Variants in ZFHX3 observed in about 807,000 individuals in gnomAD.
ZFHX3 encodes zinc finger homeobox protein 3.
In ZFHX3, 42 loss-of-function variants were observed where a neutral mutation model predicts 279.1. The ratio of observed to expected loss-of-function variants is 0.15; its 90% CI spans 0.12 to 0.19. ZFHX3 has a LOEUF of 0.19. Among genes scored for constraint, ZFHX3 ranks in the 10% least tolerant of loss-of-function variants. The pLI, the probability that ZFHX3 is intolerant of heterozygous loss-of-function variation, is 1.00. For missense variants in ZFHX3, 4,981 were observed against 4,754.0 expected, an observed-to-expected ratio of 1.05 and a Z score of -1.40; for synonymous variants, 2,293 against 1,957.8, an observed-to-expected ratio of 1.17 and a Z score of -4.52.
intron 5 of ZFHX3, among the ~76,000 whole-genome samples, chr16:72,817,457 A>C (rs2036644147): frequency 6.6e-6 from 1 of 152,228 alleles, no homozygotes; most frequent in South Asian, 2.1e-4. Flanking sequence ...GAAGTAAAAC[A>C]TGGAACCTTA....
intron 3 of ZFHX3, among the ~76,000 whole-genome samples, chr16:72,938,150 GGGTACAGCA>G (rs1177926437): frequency 2.9e-4 from 44 of 152,376 alleles, no homozygotes; most frequent in African/African-American, 1.0e-3. Flanking sequence ...TGCCGTGTGT[GGGTACAGCA>G]GCTGGAGAGA....
At chr16:73,058,000 G>A (rs1193467658) in intron 1 of ZFHX3, among the ~76,000 whole-genome samples, 1 of 147,224 alleles carries the variant, frequency 6.8e-6, no homozygotes, top group African/African-American at 2.4e-5. Flanking sequence ...GAGCGGCGGG[G>A]GCGGGGGCAC....
At chr16:72,882,983 T>G (rs1412062574) in intron 4 of ZFHX3, among the ~76,000 whole-genome samples, 13 of 24,194 alleles carry the variant, frequency 5.4e-4, no homozygotes, top group South Asian at 3.7e-3. Flanking sequence ...CTGGGGTGTG[T>G]GTGTGTGTGT....
chr16:72,876,939 G>T (rs1438901247), intron 4 of ZFHX3, among the ~76,000 whole-genome samples: 1 of 152,164 alleles, frequency 6.6e-6, no homozygotes, highest in Non-Finnish European at 1.5e-5. Context: ...AGACTTGGCG[G>T]GGGAGAAAGG....
At chr16:73,677,778 C>T (rs957735204) in intron 2 of ZFHX3, among the ~76,000 whole-genome samples, 1 of 151,934 alleles carries the variant, frequency 6.6e-6, no homozygotes, top group Non-Finnish European at 1.5e-5. Flanking sequence ...CAAACAACTT[C>T]TCCTCCTAAA....
At chr16:73,559,545 G>A (rs189255718) in intron 2 of ZFHX3, among the ~76,000 whole-genome samples, 1 of 152,138 alleles carries the variant, frequency 6.6e-6, no homozygotes, top group Non-Finnish European at 1.5e-5. Flanking sequence ...TCAGAAGAGC[G>A]AACAATGGAA....
At chr16:73,651,345 AG>A (rs2052668649) in intron 2 of ZFHX3, among the ~76,000 whole-genome samples, 1 of 152,152 alleles carries the variant, frequency 6.6e-6, no homozygotes, top group East Asian at 1.9e-4. Context: ...AGAATTGGCA[AG>A]AATTATTTAA....
intron 2 of ZFHX3, among the ~76,000 whole-genome samples, chr16:73,460,906 A>T (rs115108543): frequency 0.013 from 2,007 of 152,268 alleles, 38 homozygotes; most frequent in African/African-American, 0.046. Context: ...AAGTTTCCTG[A>T]GGCCTCTCCA....
At chr16:73,005,921 T>C (rs1385806558) in intron 1 of ZFHX3, 1 of 152,232 alleles carries the variant, frequency 6.6e-6, no homozygotes, top group Non-Finnish European at 1.5e-5. Context: ...TTTGATTCCA[T>C]CCCACTGAGT....
chr16:73,472,083 T>C (rs1213434502), intron 2 of ZFHX3, among the ~76,000 whole-genome samples: 2 of 151,996 alleles, frequency 1.3e-5, no homozygotes, highest in Non-Finnish European at 2.9e-5. Context: ...TAATAGTCTT[T>C]TGGTTTTGAT....
At chr16:73,187,965 TCTC>T (rs1207545984) in intron 5 of ZFHX3, among the ~76,000 whole-genome samples, 2 of 151,754 alleles carry the variant, frequency 1.3e-5, no homozygotes, top group African/African-American at 4.8e-5. Flanking sequence ...TTCATGCCAT[TCTC>T]CTGCCTTAGT....
At chr16:72,872,204 T>C (rs764616378) in intron 4 of ZFHX3, among the ~76,000 whole-genome samples, 56 of 152,206 alleles carry the variant, frequency 3.7e-4, no homozygotes, top group Non-Finnish European at 7.5e-4. Context: ...ATTGCAATTA[T>C]ATATATTATG....
chr16:73,249,618 G>A (rs531940491), intron 5 of ZFHX3, among the ~76,000 whole-genome samples: 45 of 152,304 alleles, frequency 3.0e-4, no homozygotes, highest in African/African-American at 1.0e-3. Context: ...AATTACGGGA[G>A]CTACAATTCA....
intron 3 of ZFHX3, among the ~76,000 whole-genome samples, chr16:72,933,560 T>A (rs78937262): frequency 0.041 from 6,199 of 152,230 alleles, 302 homozygotes; most frequent in African/African-American, 0.1. Context: ...TTTTACAGCC[T>A]TCTCTTTATC....
intron 1 of ZFHX3, among the ~76,000 whole-genome samples, chr16:73,810,237 T>C (rs1438185077): frequency 6.6e-6 from 1 of 152,234 alleles, no homozygotes; most frequent in Non-Finnish European, 1.5e-5. Context: ...AAACTGAAGC[T>C]GTAGCTCTCA....
chr16:73,127,237 T>C, intron 7 of ZFHX3: 1 of 882,104 alleles, frequency 1.1e-6, no homozygotes. Context: ...CAGCGGTTAG[T>C]ATCGATCAGA....
At chr16:73,872,723 G>A (rs552964738) in intron 1 of ZFHX3, among the ~76,000 whole-genome samples, 2 of 124,126 alleles carry the variant, frequency 1.6e-5, no homozygotes, top group East Asian at 4.6e-4. Context: ...ACCATAACTT[G>A]GTTAGCTACT....
intron 5 of ZFHX3, among the ~76,000 whole-genome samples, chr16:73,254,051 T>G (rs541544926): frequency 6.6e-6 from 1 of 152,274 alleles, no homozygotes; most frequent in African/African-American, 2.4e-5. Flanking sequence ...CAGCATTCAT[T>G]CCAGGCCACG....
chr16:73,531,433 G>T (rs2019800287), intron 2 of ZFHX3, among the ~76,000 whole-genome samples: 1 of 151,888 alleles, frequency 6.6e-6, no homozygotes, highest in African/African-American at 2.4e-5. Context: ...AATATTTCCT[G>T]GCCAGGTGTA....
Sources: allele counts gnomAD v4.1 joint callset (sites outside exome capture counted in the v4.1 genomes callset), GRCh38; gene constraint gnomAD v4.1.1; transcripts MANE v1.5; gene names NCBI Gene and HGNC (gene_info 2026-07-23, HGNC 2026-07-21).